Variants in ABL1 observed in about 807,000 individuals in gnomAD.
ABL1 encodes ABL proto-oncogene 1, non-receptor tyrosine kinase, also known as tyrosine-protein kinase ABL1.
ABL1 carries 11 observed loss-of-function variants against 94.7 expected under a neutral mutation model. The observed-to-expected ratio is 0.12, with a 90% CI of 0.07 to 0.19. ABL1 has a LOEUF of 0.19. Ranked by LOEUF, ABL1 falls within the 10% of genes least tolerant of loss-of-function variation. The pLI, the probability that ABL1 is intolerant of heterozygous loss-of-function variation, is 1.00. For synonymous variants in ABL1, 656 were observed against 622.4 expected (o/e 1.05, Z -0.80); for missense variants, 1,082 against 1,489.4 (o/e 0.73, Z 4.50).
intron 1 of ABL1, among the ~76,000 whole-genome samples, chr9:130,721,956 G>A (rs1345744552): frequency 6.7e-6 from 1 of 149,078 alleles, no homozygotes; most frequent in Non-Finnish European, 1.5e-5. Context: ...CTAATTTTTT[G>A]TATTTTTATT....
chr9:130,840,340 G>C (rs888102685), intron 1 of ABL1, among the ~76,000 whole-genome samples: 40 of 152,176 alleles, frequency 2.6e-4, no homozygotes, highest in African/African-American at 9.7e-4. Context: ...TTGTGGAAGA[G>C]AAATTCCCAT....
intron 1 of ABL1, among the ~76,000 whole-genome samples, chr9:130,779,230 G>A (rs910560164): frequency 1.3e-5 from 2 of 152,194 alleles, no homozygotes; most frequent in Non-Finnish European, 2.9e-5. Context: ...GAGTGGCAGC[G>A]ACTGCACCGG....
rs11991 is a variant in ABL1, at chr9:130,887,171, T to C, written c.*1488T>C. 40,552 of 233,040 alleles carry C rather than the reference T, an allele frequency of 0.17. 5,535 individuals are homozygous for C. The highest frequency in any genetic ancestry group is 0.42 in the African/African-American group (19,050 of 45,356). The allele number at this position is 233,040 out of a possible 1,614,324, so 14.4% of individuals were successfully genotyped here. On this transcript the variant is annotated 3_prime_UTR_variant, in exon 11 of 11. Coordinates refer to ENST00000318560, the MANE Select transcript of ABL1 (RefSeq NM_005157.6). ...CCGGGAGAAGCCACCTTCCCACCCCTTCATACCGCCTCGTGCCAGCAGCCT... is the reference window on the plus strand; with the variant it reads ...CCGGGAGAAGCCACCTTCCCACCCCCTCATACCGCCTCGTGCCAGCAGCCT...
chr9:130,804,223 G>C (rs1196599137), intron 1 of ABL1, among the ~76,000 whole-genome samples: 1 of 152,092 alleles, frequency 6.6e-6, no homozygotes, highest in African/African-American at 2.4e-5. Context: ...GCAGGGCGTG[G>C]TGGTGGGCGC....
chr9:130,851,766 CTTTTTTT>C (rs149948786), intron 1 of ABL1, among the ~76,000 whole-genome samples: 1 of 122,794 alleles, frequency 8.1e-6, no homozygotes, highest in African/African-American at 3.1e-5. Flanking sequence ...CTCTCTTTTT[CTTTTTTT>C]TTTTTTTTTT....
intron 1 of ABL1, among the ~76,000 whole-genome samples, chr9:130,850,349 G>A (rs193141599): frequency 6.7e-6 from 1 of 148,220 alleles, no homozygotes; most frequent in Admixed American, 6.8e-5. Flanking sequence ...ATGAATTACA[G>A]AAATCTAGAA....
intron 4 of ABL1, among the ~76,000 whole-genome samples, chr9:130,871,899 C>T (rs1039236145): frequency 3.9e-5 from 6 of 152,240 alleles, no homozygotes; most frequent in African/African-American, 1.4e-4. Context: ...CCAGCTTTGC[C>T]CTGTTGCCTG....
chr9:130,859,778 T>C (rs539922908), intron 3 of ABL1, among the ~76,000 whole-genome samples: 1 of 147,652 alleles, frequency 6.8e-6, no homozygotes, highest in African/African-American at 2.5e-5. Context: ...CCTCCCAGGT[T>C]CGAGCGATTC....
chr9:130,791,691 A>G (rs1829910307), intron 1 of ABL1, among the ~76,000 whole-genome samples: 1 of 151,982 alleles, frequency 6.6e-6, no homozygotes, highest in African/African-American at 2.4e-5. Context: ...GGACTCTTGG[A>G]CTTGTACCAG....
chr9:130,854,011 C>T, intron 1 of ABL1, 53 bp from the exon 2 acceptor site: 1 of 1,539,552 alleles, frequency 6.5e-7, no homozygotes, highest in Non-Finnish European at 8.7e-7. Context: ...CTAATTTTTT[C>T]TCCCAATTTT....
chr9:130,828,113 T>C (rs10117950), intron 1 of ABL1, among the ~76,000 whole-genome samples: 2,438 of 152,066 alleles, frequency 0.016, 60 homozygotes, highest in African/African-American at 0.055. Context: ...TTTTGATACA[T>C]GGTCTCTGTC....
intron 1 of ABL1, among the ~76,000 whole-genome samples, chr9:130,741,133 G>C (rs984995810): frequency 6.6e-6 from 1 of 152,144 alleles, no homozygotes; most frequent in African/African-American, 2.4e-5. Flanking sequence ...GGGCTAGAAG[G>C]GTCCTGGAGG....
chr9:130,878,371 T>C (rs1247904339), intron 7 of ABL1, 44 bp from the exon 8 acceptor site: 1 of 1,606,698 alleles, frequency 6.2e-7, no homozygotes, highest in East Asian at 2.2e-5. Context: ...TGTAGTGAAA[T>C]GCTACACATC....
chr9:130,788,895 A>G (rs953878368), intron 1 of ABL1, among the ~76,000 whole-genome samples: 1 of 152,204 alleles, frequency 6.6e-6, no homozygotes, highest in Middle Eastern at 3.4e-3. Context: ...GTCGTTAATG[A>G]TATTAATTTT....
intron 3 of ABL1, among the ~76,000 whole-genome samples, chr9:130,861,836 A>G (rs1482129611): frequency 6.6e-6 from 1 of 152,186 alleles, no homozygotes; most frequent in Non-Finnish European, 1.5e-5. Context: ...TGTTTTTGGT[A>G]AGGAAGTATT....
chr9:130,723,955 G>A (rs1293564475), intron 1 of ABL1, among the ~76,000 whole-genome samples: 3 of 151,940 alleles, frequency 2.0e-5, no homozygotes, highest in African/African-American at 7.3e-5. Flanking sequence ...AGGACTACAG[G>A]CGCCCGCCAC....
chr9:130,884,168 C>A lies in ABL1; in HGVS notation c.1878C>A (p.Gly626=). 1 of 1,612,870 alleles carries A rather than the reference C, an allele frequency of 6.2e-7. No homozygotes were observed. Among genetic ancestry groups the A allele is most frequent in the Non-Finnish European group, 8.5e-7 (1 of 1,179,854 alleles). Residue 626 remains glycine (G), a synonymous_variant, in exon 11 of 11, where the codon GGC becomes GGA. Coordinates refer to ENST00000318560, the MANE Select transcript of ABL1 (RefSeq NM_005157.6). The surrounding 1 kb of genome is among the most constrained non-coding windows in gnomAD (Gnocchi z 5.6). ...GCAGCTCCTTCCGGGAGATGGACGG[C>A]CAGCCGGAGCGCAGAGGGGCCGGCG... is the stretch of plus-strand genomic sequence containing the variant. ...KRSSSFREMD[G]QPERRGAGEE... is the part of the protein sequence containing the mutation.
intron 1 of ABL1, among the ~76,000 whole-genome samples, chr9:130,714,775 C>T (rs559728956): frequency 1.3e-3 from 202 of 152,116 alleles, no homozygotes; most frequent in Non-Finnish European, 2.7e-3. Flanking sequence ...TCTTAGGGTC[C>T]CTGGTTCTAT....
chr9:130,840,709 G>A (rs1157948004), intron 1 of ABL1, among the ~76,000 whole-genome samples: 1 of 151,998 alleles, frequency 6.6e-6, no homozygotes, highest in Non-Finnish European at 1.5e-5. Flanking sequence ...AAATAGAGAT[G>A]GGTCTCACTA....
Sources: allele counts gnomAD v4.1 joint callset (sites outside exome capture counted in the v4.1 genomes callset), GRCh38; gene constraint gnomAD v4.1.1; non-coding constraint Gnocchi (gnomAD v3.1); transcripts MANE v1.5; gene names NCBI Gene and HGNC (gene_info 2026-07-23, HGNC 2026-07-21).